The following GATAD2B variants were observed in gnomAD, a reference collection of about 807,000 sequenced individuals.
GATAD2B encodes GATA zinc finger domain containing 2B, also known as transcriptional repressor p66-beta.
A neutral mutation model predicts 64.3 loss-of-function variants in GATAD2B; 8 were observed. The observed-to-expected ratio is 0.12, with a 90% CI of 0.07 to 0.22. GATAD2B has a LOEUF of 0.22. Ranked by LOEUF, GATAD2B falls within the 10% of genes least tolerant of loss-of-function variation. The pLI, the probability that GATAD2B is intolerant of heterozygous loss-of-function variation, is 1.00. For synonymous variants in GATAD2B, 281 were observed against 271.3 expected, an observed-to-expected ratio of 1.04 and a Z score of -0.35; for missense variants, 453 against 752.0, an observed-to-expected ratio of 0.60 and a Z score of 4.65.
chr1:153,838,229 T>G (rs910243422), intron 1 of GATAD2B, among the ~76,000 whole-genome samples: 1 of 152,176 alleles, frequency 6.6e-6, no homozygotes, highest in Admixed American at 6.5e-5. Flanking sequence ...TATCTGCACA[T>G]CTATCCATCC....
intron 1 of GATAD2B, among the ~76,000 whole-genome samples, chr1:153,861,817 T>C (rs1414937986): frequency 7.8e-6 from 1 of 128,676 alleles, no homozygotes; most frequent in Admixed American, 9.2e-5. Flanking sequence ...TATACACATA[T>C]GTATATATAT....
At chr1:153,865,005 G>A (rs1020404812) in intron 1 of GATAD2B, among the ~76,000 whole-genome samples, 2 of 152,184 alleles carry the variant, frequency 1.3e-5, no homozygotes, top group Non-Finnish European at 2.9e-5. Flanking sequence ...GGGAGGCGGA[G>A]GTTGCGGTAA....
rs759771188 is a variant in GATAD2B at position 153,828,280 on chromosome 1, T to G, written c.68A>C (p.Glu23Ala). 6.2e-7 allele frequency: 1 copy of G among 1,613,896 alleles called. No individual in the cohort carries two copies. Among genetic ancestry groups the G allele is most frequent in the South Asian group, 1.1e-5 (1 of 91,088 alleles). ...TCGCTTTGCCAGGACATCATCTCGC[T>G]CATCTGCTGGGTCCAAGCTCCGCTT... ...LLKRSLDPAD[E>A]RDDVLAKRLK... is the part of the protein sequence containing the mutation. The change falls in exon 2 of 11, where the codon GAG becomes GCG. Residue 23 changes from glutamate to alanine, a missense_variant. Physicochemically the swap from Glu to Ala is moderately radical, Grantham distance 107. Transcript: ENST00000368655.
At chr1:153,900,254 T>TA (rs1677725708) in intron 1 of GATAD2B, among the ~76,000 whole-genome samples, 1 of 151,458 alleles carries the variant, frequency 6.6e-6, no homozygotes, top group South Asian at 2.1e-4. Context: ...CATCTCTACT[T>TA]AAAAAAATAC....
chr1:153,863,909 G>A (rs1008122878), intron 1 of GATAD2B, among the ~76,000 whole-genome samples: 2 of 152,118 alleles, frequency 1.3e-5, no homozygotes, highest in Admixed American at 1.3e-4. Context: ...CAGGTTATGA[G>A]CCACCACGCC....
At chr1:153,849,716 C>T (rs1484962707) in intron 1 of GATAD2B, among the ~76,000 whole-genome samples, 1 of 152,170 alleles carries the variant, frequency 6.6e-6, no homozygotes, top group Non-Finnish European at 1.5e-5. Flanking sequence ...CTGCAACCCC[C>T]TCCTTCCGGT....
At chr1:153,884,475 G>A (rs1457936785) in intron 1 of GATAD2B, among the ~76,000 whole-genome samples, 1 of 151,892 alleles carries the variant, frequency 6.6e-6, no homozygotes, top group Non-Finnish European at 1.5e-5. Context: ...GGTGGCAGGT[G>A]CCTGTAATCC....
intron 1 of GATAD2B, among the ~76,000 whole-genome samples, chr1:153,841,659 CCA>C (rs1675500077): frequency 6.6e-6 from 1 of 152,108 alleles, no homozygotes; most frequent in African/African-American, 2.4e-5. Context: ...GAGTAGTATT[CCA>C]TGGTATGGAT....
intron 4 of GATAD2B, 57 bp downstream of exon 4, chr1:153,818,734 C>T (rs1674572974): frequency 6.4e-7 from 1 of 1,559,114 alleles, no homozygotes; most frequent in African/African-American, 1.4e-5. Flanking sequence ...GGGGAACCTA[C>T]TCTCAAACCA....
chr1:153,817,963 T>A (rs1367795511), intron 5 of GATAD2B, 77 bp downstream of exon 5: 1 of 1,315,316 alleles, frequency 7.6e-7, no homozygotes, highest in East Asian at 2.6e-5. Flanking sequence ...TCTTCTATAA[T>A]CTTCACAAAA....
intron 1 of GATAD2B, among the ~76,000 whole-genome samples, chr1:153,848,794 G>C (rs1271954077): frequency 6.6e-6 from 1 of 152,014 alleles, no homozygotes; most frequent in African/African-American, 2.4e-5. Context: ...CCTACTGAAA[G>C]TACAAAAAAA....
Position 153,844,565 on chromosome 1 carries a change from T to G in GATAD2B, c.-1-16217A>C, listed in dbSNP as rs1023914418. 1.3e-3 allele frequency among the ~76,000 whole-genome samples: 195 copies of G among 152,154 alleles called. 3 individuals are homozygous for G. Among genetic ancestry groups the G allele is most frequent in the Non-Finnish European group, 3.1e-4 (21 of 68,012 alleles). ...GAATTTGATTAAAGATTAACAGGCT[T>G]GGAATACTATGCAGCCATAAAAAAT... On this transcript the variant is annotated intron_variant, in intron 1 of 10. Transcript: ENST00000368655.
intron 1 of GATAD2B, among the ~76,000 whole-genome samples, chr1:153,916,826 TGA>T (rs1350784168): frequency 2.0e-5 from 3 of 152,160 alleles, no homozygotes; most frequent in African/African-American, 4.8e-5. Flanking sequence ...TATTTATTTT[TGA>T]GAGAGAGTCT....
intron 7 of GATAD2B, among the ~76,000 whole-genome samples, chr1:153,815,149 A>G (rs1674422522): frequency 6.9e-6 from 1 of 144,784 alleles, no homozygotes; most frequent in African/African-American, 2.5e-5. Context: ...GGTGCATACC[A>G]GTGGTCCCAG....
chr1:153,865,300 A>G (rs1430220022), intron 1 of GATAD2B, among the ~76,000 whole-genome samples: 1 of 151,966 alleles, frequency 6.6e-6, no homozygotes, highest in African/African-American at 2.4e-5. Context: ...TCTCTACTAA[A>G]AAATACAAAA....
At chr1:153,818,314 C>CTTTT in intron 4 of GATAD2B, 143 bp from the exon 5 acceptor site, 5 of 319,922 alleles carry the variant, frequency 1.6e-5, no homozygotes, top group Admixed American at 5.9e-5. Flanking sequence ...TCAAGGTTTT[C>CTTTT]TTTTTTTTTT....
chr1:153,896,184 C>T (rs906531077), intron 1 of GATAD2B, among the ~76,000 whole-genome samples: 1 of 151,628 alleles, frequency 6.6e-6, no homozygotes, highest in African/African-American at 2.4e-5. Context: ...TAAAAAAAAT[C>T]CATCTAACAA....
intron 1 of GATAD2B, among the ~76,000 whole-genome samples, chr1:153,830,538 G>T (rs1358514978): frequency 7.0e-6 from 1 of 142,372 alleles, no homozygotes; most frequent in Non-Finnish European, 1.5e-5. Context: ...TGCAGTGGCG[G>T]GATCTCGGCT....
At chr1:153,813,483 T>A (rs779125467) in intron 7 of GATAD2B, 31 bp from the exon 8 acceptor site, 1 of 1,425,558 alleles carries the variant, frequency 7.0e-7, no homozygotes, top group Admixed American at 1.7e-5. Flanking sequence ...TCAGTGGCTT[T>A]ACATTTCCTA....
Sources: gnomAD v4.1 joint callset for allele counts (sites outside exome capture counted in the v4.1 genomes callset) on GRCh38, gnomAD v4.1.1 for gene constraint, MANE v1.5 for transcripts, NCBI Gene and HGNC (gene_info 2026-07-23, HGNC 2026-07-21) for gene names.